PANK2: variants seen among roughly 807,000 people sequenced by gnomAD.
PANK2 encodes the protein pantothenate kinase 2.
Under a neutral mutation model 43.1 loss-of-function variants are expected in PANK2, and 36 were observed. The observed-to-expected ratio is 0.84, with a 90% CI of 0.64 to 1.10. The LOEUF (loss-of-function observed/expected upper bound fraction) is 1.10. Among genes scored for constraint, PANK2 ranks in the 50% least tolerant of loss-of-function variants. The pLI, the probability that PANK2 is intolerant of heterozygous loss-of-function variation, is 0.00. For missense variants in PANK2, 576 were observed against 593.3 expected, an observed-to-expected ratio of 0.97 and a Z score of 0.30; for synonymous variants, 281 against 238.2, an observed-to-expected ratio of 1.18 and a Z score of -1.66.
At chr20:3,897,673 C>T (rs1466557492) in intron 1 of PANK2, among the ~76,000 whole-genome samples, 1 of 151,956 alleles carries the variant, frequency 6.6e-6, no homozygotes, top group South Asian at 2.1e-4. Context: ...GTACTCTAGC[C>T]TGGATGACAG....
Position 3,916,989 on chromosome 20 carries a change from C to T in PANK2, c.1145C>T (p.Ala382Val), listed in dbSNP as rs1254386724. ...GTCAGTAAAGAGGACCTGGCCAGAG[C>T]GACTTTGATCACCATCACCAACAAC... The change falls in exon 5 of 7, where the codon GCG becomes GTG. Residue 382 changes from alanine (A) to valine (V), a missense_variant. Ala to Val is a moderately conservative substitution (Grantham distance 64, BLOSUM62 0). This residue lies in a region of PANK2 where 544 missense variants were observed against 528.9 expected (regional missense o/e 1.03). Transcript: ENST00000610179. The T allele has an allele frequency of 4.3e-6, 7 of 1,613,834 alleles. No individual in the cohort carries two copies. The highest frequency in any genetic ancestry group is 4.5e-5 in the East Asian group (2 of 44,886).
At chr20:3,889,889 G>T in intron 1 of PANK2, 161 bp downstream of exon 1, 1 of 1,532,626 alleles carries the variant, frequency 6.5e-7, no homozygotes, top group Non-Finnish European at 8.7e-7. Flanking sequence ...GAGGCCTCGG[G>T]TGCTCCGAAA....
chr20:3,911,665 G>A (rs1479926018), intron 3 of PANK2, among the ~76,000 whole-genome samples: 5 of 151,802 alleles, frequency 3.3e-5, no homozygotes, highest in Non-Finnish European at 2.9e-5. Flanking sequence ...GCCGAGGCGG[G>A]TGGATCACCA....
intron 1 of PANK2, among the ~76,000 whole-genome samples, chr20:3,906,564 A>C (rs6052164): frequency 0.42 from 64,496 of 152,076 alleles, 14,395 homozygotes; most frequent in South Asian, 0.53. Flanking sequence ...TTCTAGCATA[A>C]AGCTAGATGA....
intron 6 of PANK2, chr20:3,921,570 T>G (rs1337364553): frequency 6.6e-6 from 1 of 152,154 alleles, no homozygotes; most frequent in Non-Finnish European, 1.5e-5. Context: ...AACTGTATAG[T>G]GAACTATTAA....
At chr20:3,915,562 C>T (rs1019445713) in intron 4 of PANK2, among the ~76,000 whole-genome samples, 3 of 152,206 alleles carry the variant, frequency 2.0e-5, no homozygotes, top group Non-Finnish European at 4.4e-5. Context: ...TCCCAAAGTG[C>T]TGGGATTACA....
rs2146923766 is a variant in PANK2 at position 3,929,292 on chromosome 20, TAC to T, written c.*6000_*6001del. 6.6e-6 allele frequency: 1 copy of T among 152,332 alleles called. No individual in the cohort carries two copies. The highest frequency in any genetic ancestry group is 6.5e-5 in the Admixed American group (1 of 15,290). 9.4% of individuals were successfully genotyped at this position (152,332 alleles called of 1,614,324 possible). A position where few individuals can be genotyped will look rare whatever the true frequency, so the allele number is the denominator to read the frequency against. ...GCTGGTGTGCACCTGTAGACGCAGC[TAC>T]AGACTGAGGCGGGAGGATCACTTGA... is the stretch of plus-strand genomic sequence containing the variant. On this transcript the variant is annotated 3_prime_UTR_variant, in exon 7 of 7. Coordinates refer to ENST00000610179, the MANE Select transcript of PANK2 (RefSeq NM_001386393.1).
Position 3,898,497 on chromosome 20 carries a change from T to TA in PANK2, c.298+8770dup, listed in dbSNP as rs553784928. ...TTATAGGCATGAGCTGCCTCGCCCT[T>TA]AGGCTTTCTTGCTGAGTATATTTAA... On this transcript the variant is annotated intron_variant, in intron 1 of 6. Coordinates refer to ENST00000610179, the MANE Select transcript of PANK2 (RefSeq NM_001386393.1). Among the ~76,000 whole-genome samples the TA allele has an allele frequency of 9.8e-3, 1,494 of 152,248 alleles. 26 individuals carry two copies. The highest frequency in any genetic ancestry group is 0.014 in the Non-Finnish European group (943 of 68,024).
In PANK2 at chr20:3,902,412, T is replaced by G. The variant is rs192493413; in HGVS notation, c.299-5514T>G. Among the ~76,000 whole-genome samples the G allele has an allele frequency of 2.0e-5, 3 of 151,824 alleles. No homozygotes were observed. In the East Asian group the frequency reaches 5.8e-4, roughly 29 times the overall value. ...TGGGACAATCTTGGCTCACTGCGACTTCCACCTCCCAGGTTCAAGCGATTT... is the reference window on the plus strand; with the variant it reads ...TGGGACAATCTTGGCTCACTGCGACGTCCACCTCCCAGGTTCAAGCGATTT... On this transcript the variant is annotated intron_variant, in intron 1 of 6. Coordinates refer to ENST00000610179, the MANE Select transcript of PANK2 (RefSeq NM_001386393.1).
At chr20:3,912,720 G>A (rs2090487905) in intron 4 of PANK2, 86 bp downstream of exon 4, 1 of 1,434,524 alleles carries the variant, frequency 7.0e-7, no homozygotes, top group East Asian at 2.3e-5. Flanking sequence ...GAGAGGCCGA[G>A]ATGGGCAGAT....
chr20:3,910,694 G>C lies in PANK2; in HGVS notation c.769G>C (p.Ala257Pro). 1 of 1,614,142 alleles carries C rather than the reference G, an allele frequency of 6.2e-7. No individual in the cohort carries two copies. The highest frequency in any genetic ancestry group is 8.5e-7 in the Non-Finnish European group (1 of 1,180,014). The stretch of plus-strand genomic sequence containing the variant: ...ACAGTGCTATTACTTTGAAAACCCT[G>C]CTGATTCTGAAAAGTGTCAGAAGTT... The change falls in exon 3 of 7, where the codon GCT becomes CCT. Residue 257 changes from alanine to proline, a missense_variant. Ala to Pro is a conservative substitution (Grantham distance 27, BLOSUM62 -1). Transcript: ENST00000610179.
chr20:3,915,168 C>A (rs2090537768), intron 4 of PANK2, among the ~76,000 whole-genome samples: 1 of 152,018 alleles, frequency 6.6e-6, no homozygotes, highest in African/African-American at 2.4e-5. Flanking sequence ...GTCACTTGTG[C>A]TTTTGGTGTT....
At chr20:3,891,616 T>C (rs565020208) in intron 1 of PANK2, among the ~76,000 whole-genome samples, 1 of 152,364 alleles carries the variant, frequency 6.6e-6, no homozygotes, top group African/African-American at 2.4e-5. Context: ...TTTGATCTTT[T>C]GTGTTCAAGA....
At position 3,907,994 on chromosome 20, in the gene PANK2, A is replaced by G. The variant is rs2146859343; in HGVS notation, c.367A>G (p.Ile123Val). The G allele has an allele frequency of 6.2e-7, 1 of 1,614,202 alleles. No individual in the cohort carries two copies. Among genetic ancestry groups the G allele is most frequent in the Non-Finnish European group, 8.5e-7 (1 of 1,180,040 alleles). The stretch of plus-strand genomic sequence containing the variant: ...GCTGGTATATTTTGAACCCAAAGAC[A>G]TCACTGCTGAAGAAGAAGAGGAAGA... Residue 123 changes from isoleucine to valine, a missense_variant, in exon 2 of 7, where the codon ATC (isoleucine) becomes GTC (valine). Physicochemically the swap from Ile to Val is conservative, Grantham distance 29. Around this residue, in one of 2 missense-constraint regions of PANK2, gnomAD observed 544 missense variants for 528.9 expected, o/e 1.03. Coordinates refer to ENST00000610179, the MANE Select transcript of PANK2 (RefSeq NM_001386393.1).
intron 1 of PANK2, among the ~76,000 whole-genome samples, chr20:3,901,307 C>CA (rs1600513922): frequency 6.6e-6 from 1 of 152,118 alleles, no homozygotes; most frequent in South Asian, 2.1e-4. Context: ...CTTGGCCTCT[C>CA]AAAGTGTTGG....
chr20:3,906,846 T>G (rs2090394135), intron 1 of PANK2, among the ~76,000 whole-genome samples: 1 of 152,072 alleles, frequency 6.6e-6, no homozygotes, highest in Non-Finnish European at 1.5e-5. Flanking sequence ...GTCGCCAGGC[T>G]AGAGTGCAGT....
intron 4 of PANK2, among the ~76,000 whole-genome samples, chr20:3,913,905 C>T (rs2146878221): frequency 6.6e-6 from 1 of 151,554 alleles, no homozygotes; most frequent in East Asian, 2.0e-4. Context: ...TCTTCTGCTT[C>T]AGCCTTCCAA....
Position 3,889,507 on chromosome 20 carries a change from A to G in PANK2, c.77A>G (p.His26Arg). 6.9e-7 allele frequency: 1 copy of G among 1,449,924 alleles called. No individual in the cohort carries two copies. Among genetic ancestry groups the G allele is most frequent in the Non-Finnish European group, 9.0e-7 (1 of 1,112,100 alleles). 89.8% of individuals were successfully genotyped at this position (1,449,924 alleles called of 1,614,324 possible). ...CGGCTCGGCGCGCCCATGGAGCGCC[A>G]CGGCAGGGCTTCCGCCACCTCCGTC... Residue 26 changes from histidine to arginine, a missense_variant, in exon 1 of 7, where the codon CAC (histidine) becomes CGC (arginine). By Grantham distance (29) the His-to-Arg change is conservative (BLOSUM62 0). This residue lies in a region of PANK2 where 544 missense variants were observed against 528.9 expected (regional missense o/e 1.03). Transcript: ENST00000610179.
intron 4 of PANK2, among the ~76,000 whole-genome samples, chr20:3,913,200 A>G (rs6139235): frequency 4.9e-4 from 74 of 151,486 alleles, no homozygotes; most frequent in African/African-American, 1.6e-3. Context: ...TTTATTTTCA[A>G]TGTAGGTTTG....
Sources: gnomAD v4.1 joint callset for allele counts (sites outside exome capture counted in the v4.1 genomes callset) on GRCh38, gnomAD v4.1.1 for gene constraint, gnomAD v4.1.1 regional missense constraint, MANE v1.5 for transcripts, NCBI Gene and HGNC (gene_info 2026-07-23, HGNC 2026-07-21) for gene names.